The following NDST2 variants were observed in gnomAD, a reference collection of about 807,000 sequenced individuals.
The protein encoded by NDST2 is bifunctional heparan sulfate N-deacetylase/N-sulfotransferase 2.
NDST2 carries 32 observed loss-of-function variants against 86.9 expected under a neutral mutation model. The ratio of observed to expected loss-of-function variants is 0.37; its 90% CI spans 0.28 to 0.49. The LOEUF is 0.49. Ranked by LOEUF, NDST2 falls within the 20% of genes least tolerant of loss-of-function variation. The pLI is 0.97. For missense variants in NDST2, 950 were observed against 1,146.9 expected (o/e 0.83, Z 2.48); for synonymous variants, 409 against 437.0 (o/e 0.94, Z 0.80).
intron 9 of NDST2, 36 bp from the exon 10 acceptor site, chr10:73,804,052 T>C (rs1441604325): frequency 1.2e-6 from 2 of 1,608,286 alleles, no homozygotes; most frequent in South Asian, 1.1e-5. Context: ...CAGGCAGCCA[T>C]TGTGGGAGGG....
chr10:73,805,485 G>T, intron 8 of NDST2, 102 bp downstream of exon 8: 1 of 1,173,430 alleles, frequency 8.5e-7, no homozygotes, highest in Non-Finnish European at 1.2e-6. Context: ...TTGTACTCTA[G>T]CCTGGGTGAC....
chr10:73,802,912 T>G (rs746837499), intron 13 of NDST2, 60 bp downstream of exon 13: 1 of 1,560,234 alleles, frequency 6.4e-7, no homozygotes, highest in African/African-American at 1.4e-5. Flanking sequence ...CTAACAGACA[T>G]GGTCAACCTG....
chr10:73,802,889 T>C lies in NDST2; in HGVS notation c.2423+83A>G, dbSNP rs745549215. On this transcript the variant is annotated intron_variant, in intron 13 of 14. Coordinates refer to ENST00000309979, the MANE Select transcript of NDST2 (RefSeq NM_003635.4). ...ACATGTCTCTCCTTGTGAGACAGAGTAAATCTATGTCTCTAACAGACATGG... is the reference window on the plus strand; with the variant it reads ...ACATGTCTCTCCTTGTGAGACAGAGCAAATCTATGTCTCTAACAGACATGG... 5 of 1,504,150 alleles carry C rather than the reference T, an allele frequency of 3.3e-6. No individual in the cohort carries two copies. The Admixed American group carries it at 8.4e-5, about 25-fold the overall frequency. The allele number at this position is 1,504,150 out of a possible 1,614,324, so 93.2% of individuals were successfully genotyped here. A position where few individuals can be genotyped will look rare whatever the true frequency, so the allele number is the denominator to read the frequency against.
At chr10:73,810,457 C>CA (rs200764453) in intron 2 of NDST2, among the ~76,000 whole-genome samples, 154 of 146,460 alleles carry the variant, frequency 1.1e-3, no homozygotes, top group African/African-American at 3.1e-3. Flanking sequence ...GACTCCAGCT[C>CA]AAAAAAAAAT....
rs748472005 is a variant in NDST2, at chr10:73,806,823, C to G, written c.1094-12G>C. Reference sequence around the variant, plus strand: ...CTCCTCCTCTGTCCCTATGACCACACGCTGACCACTGACCACAGCCAGTCA... The same window carrying G: ...CTCCTCCTCTGTCCCTATGACCACAGGCTGACCACTGACCACAGCCAGTCA... On this transcript the variant is annotated splice_polypyrimidine_tract_variant and intron_variant, in intron 4 of 14. Transcript: ENST00000309979. This position sits in a 1 kb window ranked among gnomAD's most constrained non-coding sequence, Gnocchi z 4.5. 6.2e-6 allele frequency: 10 copies of G among 1,611,054 alleles called. No homozygotes were observed. The East Asian group carries it at 1.8e-4, about 29-fold the overall frequency.
intron 11 of NDST2, 60 bp from the exon 12 acceptor site, chr10:73,803,419 G>T (rs1472825734): frequency 6.3e-7 from 1 of 1,596,610 alleles, no homozygotes; most frequent in East Asian, 2.2e-5. Flanking sequence ...CTGCCCTTAC[G>T]CTTGGTCTGG....
At chr10:73,805,383 G>A (rs533527437) in intron 8 of NDST2, among the ~76,000 whole-genome samples, 15 of 152,044 alleles carry the variant, frequency 9.9e-5, no homozygotes, top group Admixed American at 4.6e-4. Flanking sequence ...GCGTGGTGGC[G>A]GGTGCGTGTA....
rs747038039 is a variant in NDST2 at position 73,807,113 on chromosome 10, T to C, written c.1088A>G (p.His363Arg). 1 of 1,613,502 alleles carries C rather than the reference T, an allele frequency of 6.2e-7. No individual in the cohort carries two copies. The highest frequency in any genetic ancestry group is 1.1e-5 in the South Asian group (1 of 91,056). Reference protein sequence around the residue: ...FNLGFSGKFYHTGTEEEDAGD... With the variant: ...FNLGFSGKFYRTGTEEEDAGD... The stretch of plus-strand genomic sequence containing the variant: ...GAGTAGGGGTATAAGCTCACCAGTA[T>C]GATAGAACTTGCCCGAGAAGCCCAA... The change falls in exon 4 of 15, where the codon CAT becomes CGT. Residue 363 changes from histidine to arginine, a missense_variant. His to Arg is a conservative substitution (Grantham distance 29). Coordinates refer to ENST00000309979, the MANE Select transcript of NDST2 (RefSeq NM_003635.4).
chr10:73,802,862 G>A, intron 13 of NDST2, 86 bp from the exon 14 acceptor site: 1 of 1,512,340 alleles, frequency 6.6e-7, no homozygotes, highest in Non-Finnish European at 9.2e-7. Context: ...CTGCCCACAG[G>A]GACATGTCTC....
At position 73,803,355 on chromosome 10, in the gene NDST2, T is replaced by C. The variant is rs2084037369; in HGVS notation, c.2147A>G (p.Gln716Arg). Residue 716 changes from glutamine (Q) to arginine (R), a missense_variant, in exon 12 of 15, where the codon CAG (glutamine) becomes CGG (arginine). Gln to Arg is a conservative substitution (Grantham distance 43, BLOSUM62 1). Around this residue, in one of 5 missense-constraint regions of NDST2, gnomAD observed 303 missense variants for 323.7 expected, o/e 0.94. Transcript: ENST00000309979. Reference protein sequence around the residue: ...ADRAYSWYQHQRAHGDPVALN... With the variant: ...ADRAYSWYQHRRAHGDPVALN... ...AGCAACTGGGTCTCCATGGGCTCGCTGATGCTGAAGGACAAAGAGAAGGAA... is the reference window on the plus strand; with the variant it reads ...AGCAACTGGGTCTCCATGGGCTCGCCGATGCTGAAGGACAAAGAGAAGGAA... 2 of 1,614,206 alleles carry C rather than the reference T, an allele frequency of 1.2e-6. No individual in the cohort carries two copies. Among genetic ancestry groups the C allele is most frequent in the Non-Finnish European group, 1.7e-6 (2 of 1,180,026 alleles).
rs1565095671 is a variant in NDST2 at position 73,803,343 on chromosome 10, C to G, written c.2159G>C (p.Gly720Ala). Reference sequence around the variant, plus strand: ...GGTATAGTTCAGAGCAACTGGGTCTCCATGGGCTCGCTGATGCTGAAGGAC... The same window carrying G: ...GGTATAGTTCAGAGCAACTGGGTCTGCATGGGCTCGCTGATGCTGAAGGAC... ...YSWYQHQRAH[G>A]DPVALNYTFY... Residue 720 changes from glycine (G) to alanine (A), a missense_variant, in exon 12 of 15, where the codon GGA (glycine) becomes GCA (alanine). This residue lies in a region of NDST2 where 303 missense variants were observed against 323.7 expected (regional missense o/e 0.94). Transcript: ENST00000309979. 2 of 1,614,184 alleles carry G rather than the reference C, an allele frequency of 1.2e-6. No homozygotes were observed. Among genetic ancestry groups the G allele is most frequent in the Non-Finnish European group, 1.7e-6 (2 of 1,180,030 alleles).
chr10:73,807,035 C>T (rs1486168212), intron 4 of NDST2, 73 bp downstream of exon 4: 17 of 1,491,056 alleles, frequency 1.1e-5, no homozygotes, highest in Non-Finnish European at 1.4e-5. Context: ...TTCAACTTGT[C>T]TGCCCAGGGA....
chr10:73,805,742 T>G lies in NDST2; in HGVS notation c.1591A>C (p.Asn531His). ...PISIFMTHLS[N>H]YGNDRLGLYT... ...AGGCCCAGCCGGTCATTTCCATAAT[T>G]GGACAGATGGGTCATAAAGATGCTG... is the stretch of plus-strand genomic sequence containing the variant. The change falls in exon 8 of 15, where the codon AAT becomes CAT. Residue 531 changes from asparagine to histidine, a missense_variant. Asn to His is a moderately conservative substitution (Grantham distance 68). Around this residue, in one of 5 missense-constraint regions of NDST2, gnomAD observed 586 missense variants for 714.0 expected, o/e 0.82. Transcript: ENST00000309979. 1.2e-6 allele frequency: 2 copies of G among 1,614,202 alleles called. No individual in the cohort carries two copies. Among genetic ancestry groups the G allele is most frequent in the Non-Finnish European group, 1.7e-6 (2 of 1,180,032 alleles).
chr10:73,809,801 T>C (rs767828570), intron 2 of NDST2, among the ~76,000 whole-genome samples: 31 of 152,326 alleles, frequency 2.0e-4, no homozygotes, highest in Non-Finnish European at 4.3e-4. Flanking sequence ...AGTGTGATCA[T>C]AGCCTACTGC....
Position 73,805,647 on chromosome 10 carries a change from A to G in NDST2, c.1686T>C (p.Pro562=). The change falls in exon 8 of 15, where the codon CCT becomes CCC. Residue 562 remains proline, a synonymous_variant. Coordinates refer to ENST00000309979, the MANE Select transcript of NDST2 (RefSeq NM_003635.4). ...WTRLRLQTLP[P]VPLAQKYFEL... ...CAAAGTACTTCTGTGCAAGTGGGAC[A>G]GGAGGAAGGGTCTGTAGGCGCAGCC... 1 of 1,614,224 alleles carries G rather than the reference A, an allele frequency of 6.2e-7. No homozygotes were observed.
rs780264004 is a variant in NDST2 at position 73,807,389 on chromosome 10, C to G, written c.1000G>C (p.Val334Leu). The G allele has an allele frequency of 6.2e-7, 1 of 1,613,800 alleles. No individual in the cohort carries two copies. The highest frequency in any genetic ancestry group is 1.7e-5 in the Admixed American group (1 of 60,004). ...ATTTAAGTAACAAGACTGACCTCAA[C>G]ATCAGCCACCTTCATGCGGGTCCCT... ...KEGTRMKVAD[V>L]EALLTTQNKL... Residue 334 changes from valine to leucine, a missense_variant, in exon 3 of 15, where the codon GTT becomes CTT. Coordinates refer to ENST00000309979, the MANE Select transcript of NDST2 (RefSeq NM_003635.4).
rs192145180 is a variant in NDST2 at position 73,805,716 on chromosome 10, T to C, written c.1617A>G (p.Leu539=). ...AGCGCACCAAGCTCTCAAAGGTGTATAGGCCCAGCCGGTCATTTCCATAAT... is the reference window on the plus strand; with the variant it reads ...AGCGCACCAAGCTCTCAAAGGTGTACAGGCCCAGCCGGTCATTTCCATAAT... ...LSNYGNDRLG[L]YTFESLVRFL... The change falls in exon 8 of 15, where the codon CTA becomes CTG. Residue 539 remains leucine, a synonymous_variant. Coordinates refer to ENST00000309979, the MANE Select transcript of NDST2 (RefSeq NM_003635.4). The C allele has an allele frequency of 1.5e-5, 24 of 1,614,198 alleles. 1 individual carries two copies. In the Middle Eastern group the frequency reaches 4.9e-4, roughly 33 times the overall value.
At position 73,803,027 on chromosome 10, in the gene NDST2, T is replaced by A. The variant is rs377493296; in HGVS notation, c.2368A>T (p.Ser790Cys). 6.2e-7 allele frequency: 1 copy of A among 1,614,178 alleles called. No individual in the cohort carries two copies. The highest frequency in any genetic ancestry group is 1.3e-5 in the African/African-American group (1 of 75,042). Residue 790 changes from serine (S) to cysteine (C), a missense_variant, in exon 13 of 15, where the codon AGC becomes TGC. By Grantham distance (112) the Ser-to-Cys change is moderately radical (BLOSUM62 -1). Around this residue, in one of 5 missense-constraint regions of NDST2, gnomAD observed 303 missense variants for 323.7 expected, o/e 0.94. Transcript: ENST00000309979. ...LRTNPAASME[S>C]IQKFLGITPF... ...GTGATACCCAGGAACTTCTGGATGC[T>A]CTCCATTGAGGCTGCTGGGTTGGTA...
chr10:73,804,328 C>T (rs1001550751), intron 9 of NDST2, among the ~76,000 whole-genome samples: 1 of 152,158 alleles, frequency 6.6e-6, no homozygotes, highest in Non-Finnish European at 1.5e-5. Context: ...AAAAGGAGTT[C>T]CTTTTTTTCT....
Sources: allele counts gnomAD v4.1 joint callset (sites outside exome capture counted in the v4.1 genomes callset), GRCh38; gene constraint gnomAD v4.1.1; regional missense constraint gnomAD v4.1.1; non-coding constraint Gnocchi (gnomAD v3.1); transcripts MANE v1.5; gene names NCBI Gene and HGNC (gene_info 2026-07-23, HGNC 2026-07-21).